FREM1: variants seen among roughly 807,000 people sequenced by gnomAD.
The protein encoded by FREM1 is FRAS1 related extracellular matrix 1.
A neutral mutation model predicts 210.1 loss-of-function variants in FREM1; 220 were observed. The observed-to-expected ratio is 1.05, with a 90% CI of 0.94 to 1.17. The LOEUF (loss-of-function observed/expected upper bound fraction) is 1.17. Among genes scored for constraint, FREM1 ranks in the 50% most tolerant of loss-of-function variants. The probability of loss-of-function intolerance (pLI) is 0.00; values close to 1 mark genes in which losing one functional copy is unlikely to be tolerated. For missense variants in FREM1, 3,454 were observed against 2,675.5 expected, an observed-to-expected ratio of 1.29 and a Z score of -6.42; for synonymous variants, 1,189 against 980.2, an observed-to-expected ratio of 1.21 and a Z score of -3.98.
chr9:14,778,655 A>G (rs1411951004), intron 24 of FREM1, among the ~76,000 whole-genome samples: 1 of 47,416 alleles, frequency 2.1e-5, no homozygotes, highest in Non-Finnish European at 4.1e-5. Flanking sequence ...GAGGGAAGGG[A>G]GGGGAGGGAG....
intron 24 of FREM1, 109 bp downstream of exon 24, chr9:14,784,261 G>T (rs1188518294): frequency 1.0e-6 from 1 of 977,442 alleles, no homozygotes; most frequent in Non-Finnish European, 1.5e-6. Flanking sequence ...GATGTTATAA[G>T]ATACATGTAT....
At chr9:14,903,249 G>A (rs1305735023) in intron 1 of FREM1, among the ~76,000 whole-genome samples, 4 of 152,204 alleles carry the variant, frequency 2.6e-5, no homozygotes, top group Non-Finnish European at 5.9e-5. Flanking sequence ...CAAAGTTACT[G>A]AGCCATGACA....
rs1035291499 is a variant in FREM1 at position 14,836,217 on chromosome 9, C to G, written c.1881+5230G>C. On this transcript the variant is annotated intron_variant, in intron 10 of 36. Transcript: ENST00000380880. This position sits in a 1 kb window ranked among gnomAD's most constrained non-coding sequence, Gnocchi z 4.9. The stretch of plus-strand genomic sequence containing the variant: ...ACTTGTGGGAATTGCTGTCCTCACT[C>G]TACTATTTGCAATAGGGTTATACAC... Among the ~76,000 whole-genome samples, 1 of 152,212 alleles carries G rather than the reference C, an allele frequency of 6.6e-6. No individual in the cohort carries two copies. Among genetic ancestry groups the G allele is most frequent in the African/African-American group, 2.4e-5 (1 of 41,456 alleles).
At chr9:14,908,857 A>AT (rs1173646140) in intron 1 of FREM1, among the ~76,000 whole-genome samples, 1 of 152,152 alleles carries the variant, frequency 6.6e-6, no homozygotes, top group African/African-American at 2.4e-5. Flanking sequence ...CACCAAGCAA[A>AT]TGGGGGTTCT....
At chr9:14,838,004 A>C (rs932174504) in intron 10 of FREM1, among the ~76,000 whole-genome samples, 3 of 152,148 alleles carry the variant, frequency 2.0e-5, no homozygotes, top group African/African-American at 7.2e-5. Context: ...TCAGAGAAAA[A>C]AACCTGAGCC....
At chr9:14,740,738 A>T (rs150032295) in intron 35 of FREM1, among the ~76,000 whole-genome samples, 2,619 of 152,324 alleles carry the variant, frequency 0.017, 87 homozygotes, top group African/African-American at 0.06. Flanking sequence ...ATTATACTCA[A>T]TGAAATGAGT....
chr9:14,792,708 T>C, intron 22 of FREM1, 35 bp downstream of exon 22: 1 of 1,528,170 alleles, frequency 6.5e-7, no homozygotes, highest in Non-Finnish European at 8.8e-7. Flanking sequence ...ACCTGCTACG[T>C]TAGTTTTGAA....
chr9:14,861,205 A>C (rs1346299474), intron 3 of FREM1, among the ~76,000 whole-genome samples: 1 of 100,632 alleles, frequency 9.9e-6, no homozygotes, highest in Non-Finnish European at 1.7e-5. Context: ...ATATATACAC[A>C]CATATACATA....
Position 14,868,020 on chromosome 9 carries a change from G to A in FREM1, c.234+724C>T, listed in dbSNP as rs1298718596. ...AAGGTCTCCAAGATTTTGATTAAAA[G>A]GAAAAAAATTAAGCAGATAATTTCA... is the stretch of plus-strand genomic sequence containing the variant. On this transcript the variant is annotated intron_variant, in intron 2 of 36. Coordinates refer to ENST00000380880, the MANE Select transcript of FREM1 (RefSeq NM_001379081.2). Among the ~76,000 whole-genome samples the A allele has an allele frequency of 2.6e-5, 4 of 152,182 alleles. No homozygotes were observed. In the East Asian group the frequency reaches 5.8e-4, roughly 22 times the overall value.
chr9:14,868,753 G>A lies in FREM1; in HGVS notation c.225C>T (p.Leu75=), dbSNP rs1482160579. The part of the protein sequence containing the change: ...NEPITQRVGK[L]TPQVFDCHFL... ...CGCAGATAGGACCTACCTGTGGAGT[G>A]AGTTTCCCAACCCTCTGGGTTATTG... The change falls in exon 2 of 37, where the codon CTC becomes CTT. Residue 75 remains leucine (L), a synonymous_variant. Coordinates refer to ENST00000380880, the MANE Select transcript of FREM1 (RefSeq NM_001379081.2). 18 of 1,607,670 alleles carry A rather than the reference G, an allele frequency of 1.1e-5. No individual in the cohort carries two copies. Among genetic ancestry groups the A allele is most frequent in the Non-Finnish European group, 1.5e-5 (18 of 1,176,016 alleles).
At chr9:14,893,277 G>A (rs1837183058) in intron 1 of FREM1, among the ~76,000 whole-genome samples, 1 of 152,204 alleles carries the variant, frequency 6.6e-6, no homozygotes, top group Non-Finnish European at 1.5e-5. Flanking sequence ...GTCTTAAACT[G>A]TAGTGAATCT....
chr9:14,777,487 C>A (rs936367323), intron 24 of FREM1, among the ~76,000 whole-genome samples: 1 of 152,052 alleles, frequency 6.6e-6, no homozygotes, highest in Non-Finnish European at 1.5e-5. Context: ...AGCTTTTCTC[C>A]ATGTACCATA....
In FREM1 at chr9:14,819,308, C is replaced by T; in HGVS notation, c.2472G>A (p.Arg824=). ...LSLRELPLHG[R]VELNGFPLNS... The stretch of plus-strand genomic sequence containing the variant: ...TTAGAGGAAATCCATTCAGCTCCAC[C>T]CTTCCGTGCAGAGGCAATTCCCGCA... Residue 824 remains arginine (R), a synonymous_variant, in exon 14 of 37, where the codon AGG becomes AGA. Coordinates refer to ENST00000380880, the MANE Select transcript of FREM1 (RefSeq NM_001379081.2). 2 of 1,613,972 alleles carry T rather than the reference C, an allele frequency of 1.2e-6. No individual in the cohort carries two copies. Among genetic ancestry groups the T allele is most frequent in the Non-Finnish European group, 1.7e-6 (2 of 1,179,866 alleles).
At chr9:14,824,748 A>G (rs2130830406) in intron 11 of FREM1, 48 bp downstream of exon 11, 1 of 1,331,506 alleles carries the variant, frequency 7.5e-7, no homozygotes. Context: ...GACACTTTCA[A>G]CTTTGCAATC....
At chr9:14,857,466 G>A in intron 5 of FREM1, 87 bp downstream of exon 5, 1 of 1,132,022 alleles carries the variant, frequency 8.8e-7, no homozygotes, top group Non-Finnish European at 1.3e-6. Flanking sequence ...AACTCTCCCT[G>A]GCATGGGGGC....
In FREM1 at chr9:14,847,393, G is replaced by T. The variant is rs1298565713; in HGVS notation, c.1261+1272C>A. Reference sequence around the variant, plus strand: ...AATACATATATAAAGGAGAGGGAGAGAGAAAAAGAAGGAAGGAAGGAAGGA... The same window carrying T: ...AATACATATATAAAGGAGAGGGAGATAGAAAAAGAAGGAAGGAAGGAAGGA... On this transcript the variant is annotated intron_variant, in intron 7 of 36. Coordinates refer to ENST00000380880, the MANE Select transcript of FREM1 (RefSeq NM_001379081.2). Among the ~76,000 whole-genome samples the T allele has an allele frequency of 8.5e-5, 11 of 128,852 alleles. No individual in the cohort carries two copies. In the East Asian group the frequency reaches 2.7e-3, roughly 32 times the overall value. 84.5% of individuals were successfully genotyped at this position (128,852 alleles called of 152,430 possible).
chr9:14,897,590 AT>A (rs34932903), intron 1 of FREM1, among the ~76,000 whole-genome samples: 92,610 of 146,276 alleles, frequency 0.63, 29,762 homozygotes, highest in Non-Finnish European at 0.7. Context: ...TGTAATGATA[AT>A]TTTTTTTTTT....
Position 14,805,100 on chromosome 9 carries a change from G to A in FREM1, c.3327C>T (p.Ser1109=), listed in dbSNP as rs1013579905. The change falls in exon 19 of 37, where the codon TCC becomes TCT. Residue 1109 remains serine (S), a synonymous_variant. Coordinates refer to ENST00000380880, the MANE Select transcript of FREM1 (RefSeq NM_001379081.2). ...CAGTTGGTTCTATCCTCAGATGCCT[G>A]GACTGCACATAGTTAATGTGAAAAG... is the stretch of plus-strand genomic sequence containing the variant. The part of the protein sequence containing the change: ...MNAFHINYVQ[S]RHLRIEPTAD... The A allele has an allele frequency of 1.2e-6, 2 of 1,610,838 alleles. No individual in the cohort carries two copies. Among genetic ancestry groups the A allele is most frequent in the Admixed American group, 1.7e-5 (1 of 59,858 alleles).
At chr9:14,861,848 T>C (rs529910779) in intron 3 of FREM1, among the ~76,000 whole-genome samples, 27 of 152,104 alleles carry the variant, frequency 1.8e-4, no homozygotes, top group Non-Finnish European at 2.4e-4. Context: ...TATAATCTTA[T>C]AGTTATTTTA....
Sources: gnomAD v4.1 joint callset for allele counts (sites outside exome capture counted in the v4.1 genomes callset) on GRCh38, gnomAD v4.1.1 for gene constraint, Gnocchi (gnomAD v3.1) non-coding constraint, MANE v1.5 for transcripts, NCBI Gene and HGNC (gene_info 2026-07-23, HGNC 2026-07-21) for gene names.